The following MAMDC2 variants were observed in gnomAD, a reference collection of about 807,000 sequenced individuals.
The protein encoded by MAMDC2 is MAM domain containing 2.
A neutral mutation model predicts 89.8 loss-of-function variants in MAMDC2; 57 were observed. That is an observed-to-expected ratio of 0.63 (90% CI 0.51 to 0.79). The LOEUF is 0.79. MAMDC2 is among the 30% of genes least tolerant of loss of function. The probability of loss-of-function intolerance (pLI) is 0.00; values close to 1 mark genes in which losing one functional copy is unlikely to be tolerated. For synonymous variants in MAMDC2, 313 were observed against 293.4 expected (o/e 1.07, Z -0.68); for missense variants, 800 against 820.6 (o/e 0.97, Z 0.31).
chr9:70,073,111 G>C lies in MAMDC2; in HGVS notation c.148+28414G>C, dbSNP rs146891913. ...GGCCTCCCAAAGTGCTGGGATTACAGGTGTGAGCCACTGAATCCAGCCTAT... is the reference window on the plus strand; with the variant it reads ...GGCCTCCCAAAGTGCTGGGATTACACGTGTGAGCCACTGAATCCAGCCTAT... On this transcript the variant is annotated intron_variant, in intron 2 of 13. Coordinates refer to ENST00000377182, the MANE Select transcript of MAMDC2 (RefSeq NM_153267.5). 7.9e-3 allele frequency among the ~76,000 whole-genome samples: 1,203 copies of C among 152,358 alleles called. 9 individuals are homozygous for C. The highest frequency in any genetic ancestry group is 0.028 in the African/African-American group (1,149 of 41,584).
intron 2 of MAMDC2, among the ~76,000 whole-genome samples, chr9:70,083,188 T>C (rs770934906): frequency 1.2e-4 from 19 of 152,172 alleles, no homozygotes; most frequent in Non-Finnish European, 2.1e-4. Context: ...TATTGTCTCA[T>C]TTTCAGATAT....
intron 2 of MAMDC2, among the ~76,000 whole-genome samples, chr9:70,048,419 C>A (rs1196737887): frequency 1.3e-5 from 2 of 152,110 alleles, no homozygotes; most frequent in Non-Finnish European, 2.9e-5. Flanking sequence ...GGGCATGCAC[C>A]TGTAGTACCA....
intron 9 of MAMDC2, among the ~76,000 whole-genome samples, chr9:70,158,999 G>A (rs999380158): frequency 2.6e-5 from 4 of 151,692 alleles, no homozygotes; most frequent in Non-Finnish European, 4.4e-5. Flanking sequence ...ATTATGCAGT[G>A]TATGACTGTA....
intron 5 of MAMDC2, among the ~76,000 whole-genome samples, chr9:70,124,562 C>T (rs10511981): frequency 0.86 from 130,450 of 152,116 alleles, 57,278 homozygotes; most frequent in East Asian, 1. Context: ...CATGTCTGTA[C>T]ATTAAATAAC....
chr9:70,195,008 C>T (rs774241677), intron 11 of MAMDC2, among the ~76,000 whole-genome samples: 2 of 151,980 alleles, frequency 1.3e-5, no homozygotes, highest in African/African-American at 2.4e-5. Flanking sequence ...ATAACCAGTA[C>T]ATCAAAACCA....
At chr9:70,069,493 C>T (rs940914533) in intron 2 of MAMDC2, among the ~76,000 whole-genome samples, 3 of 152,062 alleles carry the variant, frequency 2.0e-5, no homozygotes, top group Admixed American at 6.6e-5. Context: ...ACTTTATAGA[C>T]GATAGGGTCA....
intron 11 of MAMDC2, among the ~76,000 whole-genome samples, chr9:70,191,215 C>A (rs2032870997): frequency 6.6e-6 from 1 of 152,032 alleles, no homozygotes; most frequent in African/African-American, 2.4e-5. Context: ...TTTATTGTGA[C>A]AGTTTTTTTG....
At chr9:70,134,552 G>A (rs988261176) in intron 7 of MAMDC2, among the ~76,000 whole-genome samples, 1 of 151,704 alleles carries the variant, frequency 6.6e-6, no homozygotes, top group Admixed American at 6.6e-5. Flanking sequence ...CTGGGCTTGG[G>A]TCCACCCCAC....
intron 9 of MAMDC2, among the ~76,000 whole-genome samples, chr9:70,146,504 G>T (rs994757239): frequency 6.6e-6 from 1 of 152,110 alleles, no homozygotes; most frequent in Non-Finnish European, 1.5e-5. Flanking sequence ...AGCATGCATT[G>T]GGTAAGCAGG....
intron 2 of MAMDC2, among the ~76,000 whole-genome samples, chr9:70,066,570 G>A (rs1164361957): frequency 6.6e-6 from 1 of 152,184 alleles, no homozygotes; most frequent in Non-Finnish European, 1.5e-5. Flanking sequence ...TAGTGGCTTA[G>A]GAAGGGTTAC....
At chr9:70,063,005 T>G (rs1164483308) in intron 2 of MAMDC2, 1 of 152,314 alleles carries the variant, frequency 6.6e-6, no homozygotes, top group African/African-American at 2.4e-5. Flanking sequence ...GGCGTAATTC[T>G]AGCATTTTGG....
intron 2 of MAMDC2, among the ~76,000 whole-genome samples, chr9:70,074,567 T>C (rs1827486032): frequency 6.6e-6 from 1 of 152,160 alleles, no homozygotes; most frequent in Non-Finnish European, 1.5e-5. Flanking sequence ...GCAGAGGAGA[T>C]GCCTGGCTTG....
At chr9:70,046,717 G>A (rs1304478444) in intron 2 of MAMDC2, among the ~76,000 whole-genome samples, 1 of 152,250 alleles carries the variant, frequency 6.6e-6, no homozygotes, top group Non-Finnish European at 1.5e-5. Context: ...ATAGTATAAC[G>A]AAGGCACTGT....
intron 2 of MAMDC2, among the ~76,000 whole-genome samples, chr9:70,054,676 G>C (rs1223713811): frequency 1.3e-5 from 2 of 152,022 alleles, no homozygotes; most frequent in East Asian, 1.9e-4. Context: ...ATTGAAAAGA[G>C]GGGGGCTTCC....
intron 4 of MAMDC2, among the ~76,000 whole-genome samples, chr9:70,110,967 A>G (rs1828495613): frequency 6.6e-6 from 1 of 152,240 alleles, no homozygotes; most frequent in African/African-American, 2.4e-5. Flanking sequence ...CAACAACAAC[A>G]AAAAAGCCTT....
At chr9:70,105,015 G>T (rs1392008323) in intron 2 of MAMDC2, among the ~76,000 whole-genome samples, 1 of 152,044 alleles carries the variant, frequency 6.6e-6, no homozygotes, top group South Asian at 2.1e-4. Flanking sequence ...TACACCCAAA[G>T]AAAACTTCGT....
chr9:70,124,214 C>T (rs2030420793), intron 5 of MAMDC2, among the ~76,000 whole-genome samples: 1 of 152,158 alleles, frequency 6.6e-6, no homozygotes, highest in South Asian at 2.1e-4. Flanking sequence ...CTAGGACTAT[C>T]AGATGTTTTT....
chr9:70,075,411 C>T (rs1208677327), intron 2 of MAMDC2, among the ~76,000 whole-genome samples: 2 of 152,186 alleles, frequency 1.3e-5, no homozygotes, highest in African/African-American at 2.4e-5. Flanking sequence ...GTTTCCCAGG[C>T]TTTAAGCCAG....
intron 2 of MAMDC2, among the ~76,000 whole-genome samples, chr9:70,055,949 TC>T (rs1444594079): frequency 2.0e-5 from 3 of 152,316 alleles, no homozygotes; most frequent in South Asian, 4.1e-4. Context: ...TTTTGGTACT[TC>T]TTCATTCTAT....
Sources: gnomAD v4.1 joint callset for allele counts (sites outside exome capture counted in the v4.1 genomes callset) on GRCh38, gnomAD v4.1.1 for gene constraint, MANE v1.5 for transcripts, NCBI Gene and HGNC (gene_info 2026-07-23, HGNC 2026-07-21) for gene names.